Variants in TBC1D16 observed in about 807,000 individuals in gnomAD.
TBC1D16 encodes the protein CTD-2529O21.1.
In TBC1D16, 58 loss-of-function variants were observed where a neutral mutation model predicts 74.7. The ratio of observed to expected loss-of-function variants is 0.78; its 90% CI spans 0.63 to 0.97. The LOEUF (loss-of-function observed/expected upper bound fraction) is 0.97, where lower values mean the gene tolerates loss of function less well. Ranked by LOEUF, TBC1D16 falls within the 50% of genes least tolerant of loss-of-function variation. The pLI is 0.00. For missense variants in TBC1D16, 1,014 were observed against 1,079.5 expected, an observed-to-expected ratio of 0.94 and a Z score of 0.85; for synonymous variants, 493 against 474.7, an observed-to-expected ratio of 1.04 and a Z score of -0.50.
intron 3 of TBC1D16, among the ~76,000 whole-genome samples, chr17:79,984,273 C>T (rs2034721534): frequency 6.6e-6 from 1 of 152,200 alleles, no homozygotes; most frequent in East Asian, 1.9e-4. Context: ...TCCCAAAGCA[C>T]TGGGATTACA....
intron 3 of TBC1D16, chr17:79,953,104 CT>C (rs1475526861): frequency 7.5e-6 from 2 of 267,584 alleles, no homozygotes; most frequent in African/African-American, 4.4e-5. Context: ...GTCACACTGA[CT>C]GGGGTTCCTC....
chr17:80,032,028 G>T (rs751096897), intron 1 of TBC1D16, among the ~76,000 whole-genome samples: 1 of 152,196 alleles, frequency 6.6e-6, no homozygotes, highest in Admixed American at 6.5e-5. Context: ...GCTGTCAAAT[G>T]ACATCTGTAA....
rs951138604 is a variant in TBC1D16, at chr17:79,937,352, AG to A, written c.*3506del. The stretch of plus-strand genomic sequence containing the variant: ...CTGCCAGCCACTACCCCTTAGCCCA[AG>A]GGGAGTCCTCATTCCAGAGCCAGCA... On this transcript the variant is annotated 3_prime_UTR_variant, in exon 12 of 12. Transcript: ENST00000310924. 1.2e-5 allele frequency: 1 copy of A among 83,690 alleles called. No homozygotes were observed. Among genetic ancestry groups the A allele is most frequent in the African/African-American group, 3.7e-5 (1 of 26,822 alleles). The allele number at this position is 83,690 out of a possible 1,614,324, so 5.2% of individuals were successfully genotyped here.
At position 80,023,334 on chromosome 17, in the gene TBC1D16, G is replaced by A. The variant is rs552645024; in HGVS notation, c.-62-9725C>T. Among the ~76,000 whole-genome samples, 284 of 149,878 alleles carry A rather than the reference G, an allele frequency of 1.9e-3. 4 individuals carry two copies. The highest frequency in any genetic ancestry group is 2.1e-3 in the Non-Finnish European group (141 of 67,994). ...AGGGGTATTGCGAACGGGCTCCAGC[G>A]ACAGCTGCTCGGAGGCTACCATGGG... On this transcript the variant is annotated intron_variant, in intron 1 of 11. Transcript: ENST00000310924.
At chr17:80,025,525 A>G (rs1352099099) in intron 1 of TBC1D16, among the ~76,000 whole-genome samples, 1 of 149,208 alleles carries the variant, frequency 6.7e-6, no homozygotes, top group Non-Finnish European at 1.5e-5. Flanking sequence ...AGAGCCCTGG[A>G]GAGTTTTGCA....
chr17:79,950,562 T>C lies in TBC1D16; in HGVS notation c.1106A>G (p.Lys369Arg), dbSNP rs775367822. The change falls in exon 6 of 12, where the codon AAG becomes AGG. Residue 369 changes from lysine to arginine, a missense_variant. By Grantham distance (26) the Lys-to-Arg change is conservative (BLOSUM62 2). Transcript: ENST00000310924. The surrounding 1 kb of genome is among the most constrained non-coding windows in gnomAD (Gnocchi z 4.6). ...QLKDQQVAPD[K>R]TCMQFSIRRP... ...GCGGATGGAGAACTGCATGCATGTC[T>C]TATCGGGGGCGACCTGCTGGACGGG... 1 of 1,612,636 alleles carries C rather than the reference T, an allele frequency of 6.2e-7. No individual in the cohort carries two copies. Among genetic ancestry groups the C allele is most frequent in the Admixed American group, 1.7e-5 (1 of 59,892 alleles).
chr17:80,012,287 G>GTC (rs1345420857), intron 2 of TBC1D16, among the ~76,000 whole-genome samples: 1 of 152,018 alleles, frequency 6.6e-6, no homozygotes, highest in Non-Finnish European at 1.5e-5. Context: ...CTACTCCCTG[G>GTC]TCTCTCTCTC....
chr17:79,977,100 G>A (rs1365419108), intron 3 of TBC1D16, among the ~76,000 whole-genome samples: 1 of 152,198 alleles, frequency 6.6e-6, no homozygotes, highest in African/African-American at 2.4e-5. Context: ...ATCCTTTTCA[G>A]TGATCCGTCC....
Position 79,993,101 on chromosome 17 carries a change from C to T in TBC1D16, c.779+17059G>A, listed in dbSNP as rs559659433. 1.4e-4 allele frequency among the ~76,000 whole-genome samples: 22 copies of T among 152,306 alleles called. No homozygotes were observed. The South Asian group carries it at 4.6e-3, about 32-fold the overall frequency. ...CAGTCTATGGGGTGGGGAGCACTAG[C>T]GCCAGCCCCATTGTGCAGAGGGGAA... is the stretch of plus-strand genomic sequence containing the variant. On this transcript the variant is annotated intron_variant, in intron 3 of 11. Transcript: ENST00000310924. The surrounding 1 kb of genome is among the most constrained non-coding windows in gnomAD (Gnocchi z 5.1).
intron 3 of TBC1D16, among the ~76,000 whole-genome samples, chr17:80,005,962 T>C (rs1451780860): frequency 2.0e-5 from 3 of 152,090 alleles, no homozygotes; most frequent in African/African-American, 7.2e-5. Flanking sequence ...AGCCTGCACA[T>C]GCAGTTCTTC....
At chr17:79,989,884 G>A (rs1310199436) in intron 3 of TBC1D16, among the ~76,000 whole-genome samples, 1 of 152,158 alleles carries the variant, frequency 6.6e-6, no homozygotes, top group Non-Finnish European at 1.5e-5. Context: ...ACCCCCTCTG[G>A]ATTCCCAAAA....
chr17:79,959,419 T>G (rs2033492260), intron 3 of TBC1D16, among the ~76,000 whole-genome samples: 1 of 152,204 alleles, frequency 6.6e-6, no homozygotes, highest in South Asian at 2.1e-4. Context: ...GGAGCTAGTA[T>G]AACCAGAGCG....
At position 79,950,083 on chromosome 17, in the gene TBC1D16, C is replaced by G. The variant is rs2032921568; in HGVS notation, c.1258-218G>C. 6.6e-6 allele frequency among the ~76,000 whole-genome samples: 1 copy of G among 152,212 alleles called. No homozygotes were observed. Among genetic ancestry groups the G allele is most frequent in the African/African-American group, 2.4e-5 (1 of 41,454 alleles). ...TCAATGCCCCCCCTGGGGTGGCGCT[C>G]AGATTAACGTGTCGTTCTCACGTCA... On this transcript the variant is annotated intron_variant, in intron 6 of 11. Transcript: ENST00000310924. This position sits in a 1 kb window ranked among gnomAD's most constrained non-coding sequence, Gnocchi z 4.6.
intron 1 of TBC1D16, among the ~76,000 whole-genome samples, chr17:80,030,146 C>A (rs2036725520): frequency 6.6e-6 from 1 of 152,122 alleles, no homozygotes; most frequent in Non-Finnish European, 1.5e-5. Flanking sequence ...ACGTAACATA[C>A]CATATTTACA....
chr17:79,984,930 C>T lies in TBC1D16; in HGVS notation c.779+25230G>A, dbSNP rs556275632. On this transcript the variant is annotated intron_variant, in intron 3 of 11. Transcript: ENST00000310924. The stretch of plus-strand genomic sequence containing the variant: ...TCCTCCAGCTTCGGACACAGCCCTG[C>T]GATGGAGCTGGGGCTATGTTTTGGG... Among the ~76,000 whole-genome samples the T allele has an allele frequency of 2.0e-3, 294 of 149,486 alleles. 3 individuals are homozygous for T. The highest frequency in any genetic ancestry group is 6.8e-3 in the Middle Eastern group (2 of 292).
chr17:80,028,586 G>T (rs941331389), intron 1 of TBC1D16, among the ~76,000 whole-genome samples: 3 of 151,402 alleles, frequency 2.0e-5, no homozygotes, highest in African/African-American at 7.3e-5. Flanking sequence ...AAGCGTCAAT[G>T]CTGATTCTAA....
intron 9 of TBC1D16, among the ~76,000 whole-genome samples, chr17:79,945,710 G>A (rs1411757169): frequency 2.0e-5 from 3 of 152,224 alleles, no homozygotes; most frequent in Admixed American, 1.3e-4. Context: ...CCAGCCATGC[G>A]CTGCCATGAG....
At chr17:80,019,514 A>G (rs1222196936) in intron 1 of TBC1D16, among the ~76,000 whole-genome samples, 1 of 146,298 alleles carries the variant, frequency 6.8e-6, no homozygotes, top group Non-Finnish European at 1.5e-5. Context: ...TCTATTAAAC[A>G]TTAGACAGGA....
chr17:79,966,449 C>T (rs1451481532), intron 3 of TBC1D16, among the ~76,000 whole-genome samples: 2 of 152,046 alleles, frequency 1.3e-5, no homozygotes, highest in African/African-American at 4.8e-5. Flanking sequence ...ACCCCAGGAC[C>T]TCCTCTCCCC....
Sources: allele counts gnomAD v4.1 joint callset (sites outside exome capture counted in the v4.1 genomes callset), GRCh38; gene constraint gnomAD v4.1.1; non-coding constraint Gnocchi (gnomAD v3.1); transcripts MANE v1.5; gene names NCBI Gene and HGNC (gene_info 2026-07-23, HGNC 2026-07-21).